XKR4: variants seen among roughly 807,000 people sequenced by gnomAD.
XKR4 encodes the protein XK related 4, also known as XK-related protein 4.
Under a neutral mutation model 53.9 loss-of-function variants are expected in XKR4, and 12 were observed. The observed-to-expected ratio is 0.22, with a 90% CI of 0.14 to 0.36. XKR4 has a LOEUF of 0.36. Ranked by LOEUF, XKR4 falls within the 10% of genes least tolerant of loss-of-function variation. The probability of loss-of-function intolerance (pLI) is 1.00; values close to 1 mark genes in which losing one functional copy is unlikely to be tolerated. For synonymous variants in XKR4, 354 were observed against 362.4 expected (o/e 0.98, Z 0.26); for missense variants, 799 against 859.5 (o/e 0.93, Z 0.88).
Position 55,541,426 on chromosome 8 carries a change from A to C in XKR4, c.*17199A>C, listed in dbSNP as rs980669004. ...TTGTTTTAAATCTATCTCTGAAAAA[A>C]AAATGGAACAGGTGGCAGGTGAACA... On this transcript the variant is annotated 3_prime_UTR_variant, in exon 3 of 3. Transcript: ENST00000327381. 3.9e-5 allele frequency: 6 copies of C among 152,188 alleles called. No individual in the cohort carries two copies. The highest frequency in any genetic ancestry group is 1.4e-4 in the African/African-American group (6 of 41,422). 9.4% of individuals were successfully genotyped at this position (152,188 alleles called of 1,614,324 possible). A position where few individuals can be genotyped will look rare whatever the true frequency, so the allele number is the denominator to read the frequency against.
chr8:55,361,663 C>G (rs567618753), intron 2 of XKR4, among the ~76,000 whole-genome samples: 2 of 151,962 alleles, frequency 1.3e-5, no homozygotes, highest in African/African-American at 4.8e-5. Context: ...CTTCAGTGTT[C>G]CCCTTGGCAC....
At chr8:55,414,401 A>G (rs1230763766) in intron 2 of XKR4, among the ~76,000 whole-genome samples, 1 of 152,010 alleles carries the variant, frequency 6.6e-6, no homozygotes, top group African/African-American at 2.4e-5. Context: ...GACTAGCAGA[A>G]GAAATGACGA....
chr8:55,462,914 A>G (rs895437179), intron 2 of XKR4, among the ~76,000 whole-genome samples: 3 of 152,254 alleles, frequency 2.0e-5, no homozygotes, highest in African/African-American at 4.8e-5. Context: ...CAATTCAAAA[A>G]GAAGAACTAA....
intron 1 of XKR4, among the ~76,000 whole-genome samples, chr8:55,179,902 T>A (rs1281941598): frequency 2.0e-5 from 3 of 152,256 alleles, no homozygotes; most frequent in Non-Finnish European, 4.4e-5. Context: ...TTCTTTTCAA[T>A]GAAAGCTGGA....
At chr8:55,387,495 C>T (rs1010744263) in intron 2 of XKR4, among the ~76,000 whole-genome samples, 1 of 152,228 alleles carries the variant, frequency 6.6e-6, no homozygotes, top group Non-Finnish European at 1.5e-5. Flanking sequence ...CTGTGTACTA[C>T]TTCCCTAGGG....
intron 1 of XKR4, among the ~76,000 whole-genome samples, chr8:55,202,259 A>G (rs1817585544): frequency 6.6e-6 from 1 of 152,234 alleles, no homozygotes; most frequent in Non-Finnish European, 1.5e-5. Context: ...CATTACAGCC[A>G]GTTGGCTCGT....
chr8:55,122,037 C>G (rs1348335220), intron 1 of XKR4, among the ~76,000 whole-genome samples: 1 of 152,060 alleles, frequency 6.6e-6, no homozygotes, highest in Non-Finnish European at 1.5e-5. Context: ...AAGGCCTTGC[C>G]AGAATCTATA....
At chr8:55,369,338 A>T in intron 2 of XKR4, among the ~76,000 whole-genome samples, 1 of 130,114 alleles carries the variant, frequency 7.7e-6, no homozygotes, top group African/African-American at 2.8e-5. Context: ...CACAAGCATG[A>T]TGCTGAGAAA....
intron 1 of XKR4, among the ~76,000 whole-genome samples, chr8:55,110,543 G>T (rs1171797538): frequency 3.3e-5 from 5 of 152,150 alleles, no homozygotes; most frequent in Non-Finnish European, 1.5e-5. Flanking sequence ...ATCAGAAAAG[G>T]TGCAATGTCA....
At position 55,535,871 on chromosome 8, in the gene XKR4, C is replaced by T. The variant is rs1261933483; in HGVS notation, c.*11644C>T. 4 of 152,210 alleles carry T rather than the reference C, an allele frequency of 2.6e-5. No individual in the cohort carries two copies. The highest frequency in any genetic ancestry group is 7.2e-5 in the African/African-American group (3 of 41,444). 9.4% of individuals were successfully genotyped at this position (152,210 alleles called of 1,614,324 possible). A position where few individuals can be genotyped will look rare whatever the true frequency, so the allele number is the denominator to read the frequency against. On this transcript the variant is annotated 3_prime_UTR_variant, in exon 3 of 3. Coordinates refer to ENST00000327381, the MANE Select transcript of XKR4 (RefSeq NM_052898.2). ...GACTCTGTCATTAGGGGAACCCACC[C>T]CCTGTGATAGTTCTCCTTGACCACT...
chr8:55,325,865 A>T (rs1022397376), intron 1 of XKR4, among the ~76,000 whole-genome samples: 4 of 152,216 alleles, frequency 2.6e-5, no homozygotes, highest in African/African-American at 7.2e-5. Context: ...AGACCTGGTA[A>T]TTCCTCTCTA....
At chr8:55,126,294 C>T (rs1816467955) in intron 1 of XKR4, among the ~76,000 whole-genome samples, 1 of 152,124 alleles carries the variant, frequency 6.6e-6, no homozygotes, top group African/African-American at 2.4e-5. Context: ...TCTGGGGAAA[C>T]AGTGACGGAG....
chr8:55,474,661 C>T (rs889565033), intron 2 of XKR4, among the ~76,000 whole-genome samples: 1 of 152,102 alleles, frequency 6.6e-6, no homozygotes, highest in Non-Finnish European at 1.5e-5. Flanking sequence ...ATCCATCTCC[C>T]CTGACTCTCA....
intron 1 of XKR4, among the ~76,000 whole-genome samples, chr8:55,167,349 G>T (rs1378374047): frequency 6.6e-6 from 1 of 152,214 alleles, no homozygotes; most frequent in Non-Finnish European, 1.5e-5. Context: ...GTTTGTGACT[G>T]AGCTCTAGCC....
At chr8:55,402,045 T>C (rs567453234) in intron 2 of XKR4, among the ~76,000 whole-genome samples, 3 of 152,364 alleles carry the variant, frequency 2.0e-5, no homozygotes, top group East Asian at 1.9e-4. Context: ...TGGCTAATAA[T>C]AGATGATTCT....
intron 1 of XKR4, among the ~76,000 whole-genome samples, chr8:55,336,728 A>AG: frequency 6.6e-6 from 1 of 152,062 alleles, no homozygotes; most frequent in Non-Finnish European, 1.5e-5. Flanking sequence ...GGCAGATTAG[A>AG]GGGGGAGGGA....
chr8:55,409,139 G>A (rs1259240875), intron 2 of XKR4, among the ~76,000 whole-genome samples: 2 of 152,212 alleles, frequency 1.3e-5, no homozygotes, highest in African/African-American at 4.8e-5. Flanking sequence ...CAGACACATG[G>A]TTGCCAAAGC....
chr8:55,363,134 T>C (rs1803927474), intron 2 of XKR4, among the ~76,000 whole-genome samples: 3 of 152,216 alleles, frequency 2.0e-5, no homozygotes, highest in Admixed American at 2.0e-4. Flanking sequence ...TTTAGTTCTT[T>C]GTTTCCCATT....
intron 2 of XKR4, among the ~76,000 whole-genome samples, chr8:55,482,254 G>T (rs1448259659): frequency 3.3e-5 from 5 of 152,108 alleles, no homozygotes; most frequent in Non-Finnish European, 7.3e-5. Flanking sequence ...TAGGGACATG[G>T]ATGAAGCTGG....
Sources: gnomAD v4.1 joint callset for allele counts (sites outside exome capture counted in the v4.1 genomes callset) on GRCh38, gnomAD v4.1.1 for gene constraint, MANE v1.5 for transcripts, NCBI Gene and HGNC (gene_info 2026-07-23, HGNC 2026-07-21) for gene names.